EPHA10: variants seen among roughly 807,000 people sequenced by gnomAD.
The protein encoded by EPHA10 is ephrin type-A receptor 10.
EPHA10 carries 120 observed loss-of-function variants against 109.7 expected under a neutral mutation model. The ratio of observed to expected loss-of-function variants is 1.09; its 90% CI spans 0.94 to 1.27. The LOEUF is 1.27. Ranked by LOEUF, EPHA10 falls within the 50% of genes most tolerant of loss-of-function variation. EPHA10 has a pLI of 0.00. For missense variants in EPHA10, 1,396 were observed against 1,411.1 expected (o/e 0.99, Z 0.17); for synonymous variants, 640 against 618.9 (o/e 1.03, Z -0.51).
chr1:37,727,063 A>T (rs1260621291), intron 8 of EPHA10, 39 bp downstream of exon 8: 1 of 1,534,950 alleles, frequency 6.5e-7, no homozygotes, highest in Non-Finnish European at 8.9e-7. Context: ...ACGGGACATG[A>T]CCCACCAGGA....
In EPHA10 at chr1:37,725,905, G is replaced by A. The variant is rs907493698; in HGVS notation, c.1772+1197C>T. 2.0e-5 allele frequency among the ~76,000 whole-genome samples: 3 copies of A among 152,186 alleles called. No homozygotes were observed. In the East Asian group the frequency reaches 5.8e-4, roughly 29 times the overall value. On this transcript the variant is annotated intron_variant, in intron 8 of 16. Coordinates refer to ENST00000373048, the MANE Select transcript of EPHA10 (RefSeq NM_001099439.2). ...TACTACACCCAGGACGGTGTGAGAG[G>A]TGCTGCAGACAGCCCACCAGGCTGG...
intron 3 of EPHA10, chr1:37,761,072 A>C: frequency 1.0e-6 from 1 of 1,000,808 alleles, no homozygotes; most frequent in Non-Finnish European, 1.3e-6. Context: ...CAACAGAGCA[A>C]GAGAGACTCC....
rs1013936260 is a variant in EPHA10, at chr1:37,754,820, T to C, written c.851-450A>G. On this transcript the variant is annotated intron_variant, in intron 3 of 16. Coordinates refer to ENST00000373048, the MANE Select transcript of EPHA10 (RefSeq NM_001099439.2). This position sits in a 1 kb window ranked among gnomAD's most constrained non-coding sequence, Gnocchi z 4.5. ...TTTATTTATTTTTTCTTTTTTCTTT[T>C]CGAGTCTCCTTCTATCACCCAGGCT... Among the ~76,000 whole-genome samples, 3 of 152,184 alleles carry C rather than the reference T, an allele frequency of 2.0e-5. No individual in the cohort carries two copies. Among genetic ancestry groups the C allele is most frequent in the African/African-American group, 7.2e-5 (3 of 41,434 alleles).
intron 13 of EPHA10, 89 bp downstream of exon 13, chr1:37,720,262 G>A: frequency 6.9e-7 from 1 of 1,447,848 alleles, no homozygotes; most frequent in South Asian, 1.4e-5. Flanking sequence ...GAGGGGCAGG[G>A]AAAGGAGTAG....
At chr1:37,738,073 A>G (rs897605103) in intron 5 of EPHA10, 1 of 151,106 alleles carries the variant, frequency 6.6e-6, no homozygotes, top group Non-Finnish European at 1.5e-5. Flanking sequence ...CATTTCTTCA[A>G]AAAAGATATA....
chr1:37,720,913 C>A (rs1163516019), intron 11 of EPHA10, 69 bp from the exon 12 acceptor site: 23 of 1,524,488 alleles, frequency 1.5e-5, no homozygotes, highest in African/African-American at 2.7e-5. Flanking sequence ...AAGTTTCCCC[C>A]CCAGGGTCCC....
rs1279925701 is a variant in EPHA10, at chr1:37,762,075, C to G, written c.180G>C (p.Glu60Asp). Residue 60 changes from glutamate (E) to aspartate (D), a missense_variant, in exon 3 of 17, where the codon GAG becomes GAC. Physicochemically the swap from Glu to Asp is conservative, Grantham distance 45 (BLOSUM62 2). Coordinates refer to ENST00000373048, the MANE Select transcript of EPHA10 (RefSeq NM_001099439.2). ...WTALPSNGWEEISGVDEHDRP... is the reference protein window; with the variant it reads ...WTALPSNGWEDISGVDEHDRP... Reference sequence around the variant, plus strand: ...GGTCGTGTTCATCCACGCCGCTGATCTCCTCCCACTGGGGACAAGAGTAAA... The same window carrying G: ...GGTCGTGTTCATCCACGCCGCTGATGTCCTCCCACTGGGGACAAGAGTAAA... 1.1e-5 allele frequency: 17 copies of G among 1,582,828 alleles called. No individual in the cohort carries two copies. The highest frequency in any genetic ancestry group is 1.5e-5 in the Non-Finnish European group (17 of 1,161,952).
chr1:37,735,504 G>A, intron 5 of EPHA10, 114 bp from the exon 6 acceptor site: 4 of 1,307,638 alleles, frequency 3.1e-6, no homozygotes, highest in Middle Eastern at 2.7e-4. Context: ...AGAGGCCTGG[G>A]GCGTGGTCTA....
intron 7 of EPHA10, among the ~76,000 whole-genome samples, chr1:37,730,744 C>T (rs1232120225): frequency 1.3e-5 from 2 of 151,908 alleles, no homozygotes; most frequent in Non-Finnish European, 2.9e-5. Context: ...TAGGCTGGAA[C>T]GTAGTGGCAT....
chr1:37,724,342 G>A (rs542109082), intron 8 of EPHA10, among the ~76,000 whole-genome samples: 2 of 152,322 alleles, frequency 1.3e-5, no homozygotes, highest in South Asian at 4.1e-4. Flanking sequence ...GATAAGCAGG[G>A]AAGATAAGAC....
At chr1:37,747,998 A>T (rs1330206585) in intron 5 of EPHA10, among the ~76,000 whole-genome samples, 1 of 152,182 alleles carries the variant, frequency 6.6e-6, no homozygotes, top group Non-Finnish European at 1.5e-5. Context: ...TTAGAAAAAG[A>T]ACACCAAAAT....
At chr1:37,733,642 T>C (rs1472031558) in intron 6 of EPHA10, among the ~76,000 whole-genome samples, 2 of 152,200 alleles carry the variant, frequency 1.3e-5, no homozygotes, top group Non-Finnish European at 2.9e-5. Context: ...TCTAAGCACC[T>C]GCTTCCCAGT....
In EPHA10 at chr1:37,718,737, C is replaced by A; in HGVS notation, c.2836G>T (p.Asp946Tyr). Reference protein sequence around the residue: ...GSVGAWLEALDLCRYKDSFAA... With the variant: ...GSVGAWLEALYLCRYKDSFAA... ...AAGCTGTCCTTGTAGCGGCACAGGT[C>A]CAGGGCCTCCAGCCACGCGCCCACA... The change falls in exon 16 of 17, where the codon GAC becomes TAC. Residue 946 changes from aspartate (D) to tyrosine (Y), a missense_variant. Coordinates refer to ENST00000373048, the MANE Select transcript of EPHA10 (RefSeq NM_001099439.2). 1.9e-6 allele frequency: 3 copies of A among 1,613,112 alleles called. No homozygotes were observed. The highest frequency in any genetic ancestry group is 2.5e-6 in the Non-Finnish European group (3 of 1,179,994).
At chr1:37,760,380 T>C (rs931182810) in intron 3 of EPHA10, 2 of 1,053,792 alleles carry the variant, frequency 1.9e-6, no homozygotes, top group South Asian at 4.6e-5. Flanking sequence ...GAGAGGTCTG[T>C]TCCTAATGCC....
chr1:37,743,715 G>A (rs1256899800), intron 5 of EPHA10, among the ~76,000 whole-genome samples: 4 of 152,060 alleles, frequency 2.6e-5, no homozygotes, highest in Admixed American at 1.3e-4. Context: ...AGGTGATTTC[G>A]CCCACCTGTA....
downstream of EPHA10, among the ~76,000 whole-genome samples, chr1:37,714,267 G>A (rs1232791804): frequency 6.6e-6 from 1 of 152,178 alleles, no homozygotes; most frequent in Admixed American, 6.5e-5. Flanking sequence ...GAATGGCCCG[G>A]GCCAGGGAGA....
intron 7 of EPHA10, among the ~76,000 whole-genome samples, chr1:37,727,483 C>T (rs1645914128): frequency 6.6e-6 from 1 of 152,192 alleles, no homozygotes; most frequent in Non-Finnish European, 1.5e-5. Context: ...GCCAGGCCTC[C>T]CTCTATGCCT....
At chr1:37,729,099 A>G (rs1235265415) in intron 7 of EPHA10, among the ~76,000 whole-genome samples, 2 of 152,168 alleles carry the variant, frequency 1.3e-5, no homozygotes, top group Non-Finnish European at 2.9e-5. Flanking sequence ...AGTCTCTGGA[A>G]GAATCCAGTG....
chr1:37,761,698 C>T lies in EPHA10; in HGVS notation c.557G>A (p.Arg186Gln), dbSNP rs373175313. Reference protein sequence around the residue: ...EVREIGPLSRRGFHLAFQDVG... With the variant: ...EVREIGPLSRQGFHLAFQDVG... ...GTCCTGAAAGGCCAGGTGGAAACCC[C>T]GCCGGCTGAGCGGTCCGATCTCGCG... The change falls in exon 3 of 17, where the codon CGG becomes CAG. Residue 186 changes from arginine (R) to glutamine (Q), a missense_variant. Transcript: ENST00000373048. 6.2e-7 allele frequency: 1 copy of T among 1,613,112 alleles called. No individual in the cohort carries two copies.
Sources: gnomAD v4.1 joint callset for allele counts (sites outside exome capture counted in the v4.1 genomes callset) on GRCh38, gnomAD v4.1.1 for gene constraint, Gnocchi (gnomAD v3.1) non-coding constraint, MANE v1.5 for transcripts, NCBI Gene and HGNC (gene_info 2026-07-23, HGNC 2026-07-21) for gene names.